ALG8: variants seen among roughly 807,000 people sequenced by gnomAD.
ALG8 encodes the protein dolichyl pyrophosphate Glc1Man9GlcNAc2 alpha-1,3-glucosyltransferase.
ALG8 carries 48 observed loss-of-function variants against 70.2 expected under a neutral mutation model. The observed-to-expected ratio is 0.68, with a 90% CI of 0.54 to 0.87. The LOEUF is 0.87. Ranked by LOEUF, ALG8 falls within the 40% of genes least tolerant of loss-of-function variation. The pLI is 0.00. For missense variants in ALG8, 572 were observed against 608.7 expected (o/e 0.94, Z 0.64); for synonymous variants, 234 against 229.0 (o/e 1.02, Z -0.20).
At chr11:78,125,426 T>C (rs889309843) in intron 2 of ALG8, among the ~76,000 whole-genome samples, 5 of 151,598 alleles carry the variant, frequency 3.3e-5, no homozygotes, top group Non-Finnish European at 5.9e-5. Flanking sequence ...AAATACTATA[T>C]ATGGTATCGA....
At chr11:78,101,274 C>T in intron 12 of ALG8, 79 bp from the exon 13 acceptor site, 1 of 1,155,436 alleles carries the variant, frequency 8.7e-7, no homozygotes, top group Non-Finnish European at 1.3e-6. Context: ...TAAAGCTTCC[C>T]CATCTGCACT....
chr11:78,128,635 G>A (rs1425085193), intron 1 of ALG8, among the ~76,000 whole-genome samples: 1 of 144,796 alleles, frequency 6.9e-6, no homozygotes, highest in African/African-American at 2.6e-5. Flanking sequence ...TTTTGGAGAC[G>A]GAGTCTCGCT....
At chr11:78,124,355 C>A (rs1860969762) in intron 2 of ALG8, 141 bp from the exon 3 acceptor site, 3 of 812,912 alleles carry the variant, frequency 3.7e-6, no homozygotes, top group Non-Finnish European at 6.0e-6. Context: ...GTAACCCCAG[C>A]ACTTTGGGAG....
intron 9 of ALG8, among the ~76,000 whole-genome samples, chr11:78,107,217 AT>A (rs1860078529): frequency 1.4e-5 from 2 of 147,456 alleles, no homozygotes; most frequent in African/African-American, 4.9e-5. Context: ...ATATATATAT[AT>A]ATATAATTTT....
intron 2 of ALG8, among the ~76,000 whole-genome samples, chr11:78,126,532 CA>C (rs61070879): frequency 4.3e-4 from 55 of 126,790 alleles, no homozygotes; most frequent in South Asian, 5.2e-4. Context: ...GACTCTGTCT[CA>C]AAAAAAAAAA....
At position 78,101,304 on chromosome 11, in the gene ALG8, T is replaced by C. The variant is rs1859786202; in HGVS notation, c.1350-109A>G. 9 of 902,302 alleles carry C rather than the reference T, an allele frequency of 1.0e-5. No individual in the cohort carries two copies. The South Asian group carries it at 1.2e-4, about 12-fold the overall frequency. The allele number at this position is 902,302 out of a possible 1,614,324, so 55.9% of individuals were successfully genotyped here. A position where few individuals can be genotyped will look rare whatever the true frequency, so the allele number is the denominator to read the frequency against. Reference sequence around the variant, plus strand: ...TGCACTGTCTTGCTGTCAATTATTATAGCCAAGGCCAGAGTCAAGAGTATA... The same window carrying C: ...TGCACTGTCTTGCTGTCAATTATTACAGCCAAGGCCAGAGTCAAGAGTATA... On this transcript the variant is annotated intron_variant, in intron 12 of 12. Coordinates refer to ENST00000299626, the MANE Select transcript of ALG8 (RefSeq NM_024079.5).
At position 78,104,361 on chromosome 11, in the gene ALG8, G is replaced by A. The variant is rs771566173; in HGVS notation, c.1271C>T (p.Ala424Val). The change falls in exon 11 of 13, where the codon GCA (alanine) becomes GTA (valine). Residue 424 changes from alanine to valine, a missense_variant. By Grantham distance (64) the Ala-to-Val change is moderately conservative. Coordinates refer to ENST00000299626, the MANE Select transcript of ALG8 (RefSeq NM_024079.5). ...TCTCAGAAGACGCTGTTTACCTGGTGCAGTGAAGAGCAGAGGAAAGAGGGA... is the reference window on the plus strand; with the variant it reads ...TCTCAGAAGACGCTGTTTACCTGGTACAGTGAAGAGCAGAGGAAAGAGGGA... ...HYSLFPLLFT[A>V]PELPIKILLM... The A allele has an allele frequency of 7.5e-6, 12 of 1,590,396 alleles. No homozygotes were observed. The highest frequency in any genetic ancestry group is 1.7e-4 in the Middle Eastern group (1 of 6,038).
At chr11:78,123,484 T>TAA (rs1303312823) in intron 3 of ALG8, among the ~76,000 whole-genome samples, 1 of 152,102 alleles carries the variant, frequency 6.6e-6, no homozygotes, top group Non-Finnish European at 1.5e-5. Flanking sequence ...ATTTAAAATA[T>TAA]AAGCATAACT....
intron 1 of ALG8, among the ~76,000 whole-genome samples, chr11:78,136,808 G>A (rs1032584309): frequency 3.3e-5 from 5 of 152,108 alleles, no homozygotes; most frequent in South Asian, 2.1e-4. Flanking sequence ...CTTCATCAGT[G>A]AGCTTAGCTA....
At chr11:78,123,315 G>GAAAAAAAAA (rs1220218900) in intron 3 of ALG8, among the ~76,000 whole-genome samples, 2,437 of 86,446 alleles carry the variant, frequency 0.028, 17 homozygotes, top group African/African-American at 0.033. Flanking sequence ...GGAAAAAAAA[G>GAAAAAAAAA]AAAAAAAAAA....
chr11:78,127,318 G>T, intron 2 of ALG8, 40 bp downstream of exon 2: 3 of 1,482,250 alleles, frequency 2.0e-6, no homozygotes, highest in Non-Finnish European at 2.8e-6. Flanking sequence ...CTAGTTTATA[G>T]ATGAATCTTA....
At chr11:78,108,715 A>C (rs183600035) in intron 9 of ALG8, among the ~76,000 whole-genome samples, 2 of 152,388 alleles carry the variant, frequency 1.3e-5, no homozygotes, top group Admixed American at 1.3e-4. Flanking sequence ...ATATGTGAAC[A>C]AACAGCCCAA....
chr11:78,123,484 T>C lies in ALG8; in HGVS notation c.368+537A>G, dbSNP rs1860923766. Among the ~76,000 whole-genome samples the C allele has an allele frequency of 3.9e-5, 6 of 152,102 alleles. No individual in the cohort carries two copies. In the South Asian group the frequency reaches 1.2e-3, roughly 31 times the overall value. On this transcript the variant is annotated intron_variant, in intron 3 of 12. Coordinates refer to ENST00000299626, the MANE Select transcript of ALG8 (RefSeq NM_024079.5). The stretch of plus-strand genomic sequence containing the variant: ...TTGTAAAACATAAAAATTTAAAATA[T>C]AAGCATAACTTAAAATAACAAAGAG...
intron 5 of ALG8, among the ~76,000 whole-genome samples, chr11:78,116,444 G>A (rs1860573879): frequency 6.6e-6 from 1 of 152,084 alleles, no homozygotes; most frequent in Non-Finnish European, 1.5e-5. Context: ...ATTTGGCTGG[G>A]TGGGGTGGCT....
intron 8 of ALG8, 27 bp downstream of exon 8, chr11:78,112,623 C>G (rs751924907): frequency 6.2e-7 from 1 of 1,612,264 alleles, no homozygotes; most frequent in South Asian, 1.1e-5. Context: ...TATTCAGAGT[C>G]TGAGTAAAAA....
At chr11:78,110,051 A>G (rs1860212527) in intron 8 of ALG8, among the ~76,000 whole-genome samples, 1 of 152,184 alleles carries the variant, frequency 6.6e-6, no homozygotes, top group African/African-American at 2.4e-5. Flanking sequence ...AGTAACTGTG[A>G]GTCCTCAATA....
At chr11:78,106,126 T>C (rs1860019176) in intron 10 of ALG8, among the ~76,000 whole-genome samples, 1 of 152,208 alleles carries the variant, frequency 6.6e-6, no homozygotes, top group African/African-American at 2.4e-5. Flanking sequence ...AAATCCTTAC[T>C]TTGACTAACA....
intron 8 of ALG8, among the ~76,000 whole-genome samples, chr11:78,110,810 T>C (rs1860251796): frequency 6.6e-6 from 1 of 152,138 alleles, no homozygotes; most frequent in South Asian, 2.1e-4. Flanking sequence ...TCTTCCCCTT[T>C]CCCCTTTGGC....
In ALG8 at chr11:78,106,902, G is replaced by A. The variant is rs1218408011; in HGVS notation, c.1083C>T (p.Gly361=). The A allele has an allele frequency of 1.9e-6, 3 of 1,613,994 alleles. No individual in the cohort carries two copies. In the African/African-American group the frequency reaches 4.0e-5, roughly 22 times the overall value. ...CACAAAGAGTTAGACATCGGAGAAA[G>A]CCTCTGGGCCCTTGGGGTTTAAACC... ...CLWFKPQGPR[G]FLRCLTLCAL... is the part of the protein sequence containing the mutation. Residue 361 remains glycine (G), a synonymous_variant, in exon 10 of 13, where the codon GGC becomes GGT. Coordinates refer to ENST00000299626, the MANE Select transcript of ALG8 (RefSeq NM_024079.5).
Sources: gnomAD v4.1 joint callset for allele counts (sites outside exome capture counted in the v4.1 genomes callset) on GRCh38, gnomAD v4.1.1 for gene constraint, MANE v1.5 for transcripts, NCBI Gene and HGNC (gene_info 2026-07-23, HGNC 2026-07-21) for gene names.